The following SYT17 variants were observed in gnomAD, a reference collection of about 807,000 sequenced individuals.
The protein encoded by SYT17 is synaptotagmin-17.
Under a neutral mutation model 46.7 loss-of-function variants are expected in SYT17, and 22 were observed. The ratio of observed to expected loss-of-function variants is 0.47; its 90% CI spans 0.34 to 0.67. The LOEUF (loss-of-function observed/expected upper bound fraction) is 0.67, where lower values mean the gene tolerates loss of function less well. Ranked by LOEUF, SYT17 falls within the 30% of genes least tolerant of loss-of-function variation. The pLI, the probability that SYT17 is intolerant of heterozygous loss-of-function variation, is 0.01. For synonymous variants in SYT17, 251 were observed against 248.4 expected (o/e 1.01, Z -0.10); for missense variants, 519 against 612.8 (o/e 0.85, Z 1.62).
intron 7 of SYT17, among the ~76,000 whole-genome samples, chr16:19,231,523 C>CA (rs143448107): frequency 0.38 from 17,359 of 46,192 alleles, 3,861 homozygotes; most frequent in East Asian, 0.6. Context: ...AACTCCATCA[C>CA]AAAAAAAAAA....
chr16:19,216,933 C>G (rs1038936106), intron 5 of SYT17, among the ~76,000 whole-genome samples: 6 of 152,190 alleles, frequency 3.9e-5, no homozygotes, highest in African/African-American at 1.4e-4. Context: ...ATTTCTGGCT[C>G]TAGATCCTTG....
At chr16:19,214,083 A>G (rs1396384010) in intron 5 of SYT17, among the ~76,000 whole-genome samples, 1 of 152,154 alleles carries the variant, frequency 6.6e-6, no homozygotes, top group Non-Finnish European at 1.5e-5. Flanking sequence ...ACCCTACCCT[A>G]TTCCCCAGTT....
intron 5 of SYT17, among the ~76,000 whole-genome samples, chr16:19,212,657 A>G (rs1965951262): frequency 6.6e-6 from 1 of 152,184 alleles, no homozygotes; most frequent in South Asian, 2.1e-4. Flanking sequence ...CGGGGAAGTG[A>G]GGTAATGGCA....
rs1316964700 is a variant in SYT17 at position 19,183,915 on chromosome 16, A to G, written c.719A>G (p.Lys240Arg). Reference protein sequence around the residue: ...YVKICLLPDQKNSKQTGVKRK... With the variant: ...YVKICLLPDQRNSKQTGVKRK... ...AAGATCTGTCTCCTGCCAGACCAGAAGAACTCAAAGCAGACCGGGGTCAAA... is the reference window on the plus strand; with the variant it reads ...AAGATCTGTCTCCTGCCAGACCAGAGGAACTCAAAGCAGACCGGGGTCAAA... The change falls in exon 5 of 8, where the codon AAG (lysine) becomes AGG (arginine). Residue 240 changes from lysine to arginine, a missense_variant. Physicochemically the swap from Lys to Arg is conservative, Grantham distance 26. Transcript: ENST00000355377. The surrounding 1 kb of genome is among the most constrained non-coding windows in gnomAD (Gnocchi z 5.6). 1.2e-6 allele frequency: 2 copies of G among 1,614,244 alleles called. No individual in the cohort carries two copies. The highest frequency in any genetic ancestry group is 1.7e-6 in the Non-Finnish European group (2 of 1,180,058).
intron 5 of SYT17, chr16:19,211,449 A>G: frequency 1.4e-6 from 1 of 703,846 alleles, no homozygotes; most frequent in Middle Eastern, 2.3e-4. Flanking sequence ...TTATGGAGAA[A>G]AAGGTAAGGA....
intron 3 of SYT17, among the ~76,000 whole-genome samples, chr16:19,174,776 T>TGGAAAAGTAGGAATGC (rs368718597): frequency 1.3e-5 from 2 of 152,146 alleles, no homozygotes; most frequent in Non-Finnish European, 2.9e-5. Flanking sequence ...ATTTGGAATG[T>TGGAAAAGTAGGAATGC]GGAAAAGTAG....
chr16:19,237,043 A>G lies in SYT17; in HGVS notation c.1228+12205A>G, dbSNP rs77196422. On this transcript the variant is annotated intron_variant, in intron 7 of 7. Coordinates refer to ENST00000355377, the MANE Select transcript of SYT17 (RefSeq NM_016524.4). ...CTTAGGCAGAACATTCCAGGGACCT[A>G]GAGATCAGTCCCTAGGAGCCAAAGA... Among the ~76,000 whole-genome samples, 235 of 152,334 alleles carry G rather than the reference A, an allele frequency of 1.5e-3. 3 individuals are homozygous for G. The highest frequency in any genetic ancestry group is 5.5e-3 in the African/African-American group (230 of 41,584).
chr16:19,173,068 A>G (rs1964164739), intron 2 of SYT17: 1 of 572,596 alleles, frequency 1.7e-6, no homozygotes, highest in Admixed American at 3.5e-5. Context: ...TTTCAAGAAG[A>G]CACAGTAATA....
At chr16:19,233,477 C>A (rs923536258) in intron 7 of SYT17, among the ~76,000 whole-genome samples, 1 of 147,918 alleles carries the variant, frequency 6.8e-6, no homozygotes, top group Non-Finnish European at 1.5e-5. Context: ...ATAGCATAAT[C>A]CCATTTCTAA....
chr16:19,172,758 A>G lies in SYT17; in HGVS notation c.16-2A>G. On this transcript the variant is annotated splice_acceptor_variant, in intron 1 of 7. Transcript: ENST00000355377. LOFTEE classifies it high-confidence loss of function. The stretch of plus-strand genomic sequence containing the variant: ...GCTTCATCGTGGATCTTAAAAGGGC[A>G]GTTGGAACCATTAAACGAGGTGGGT... 1 of 1,613,770 alleles carries G rather than the reference A, an allele frequency of 6.2e-7. No individual in the cohort carries two copies. Among genetic ancestry groups the G allele is most frequent in the East Asian group, 2.2e-5 (1 of 44,856 alleles).
At chr16:19,194,695 A>G (rs1396646263) in intron 5 of SYT17, among the ~76,000 whole-genome samples, 1 of 152,200 alleles carries the variant, frequency 6.6e-6, no homozygotes, top group Non-Finnish European at 1.5e-5. Context: ...CCTGGGCTCA[A>G]GTGATCCTCC....
chr16:19,189,514 A>G (rs1162866851), intron 5 of SYT17, among the ~76,000 whole-genome samples: 4 of 152,006 alleles, frequency 2.6e-5, no homozygotes, highest in African/African-American at 9.7e-5. Context: ...ACATGCTCAG[A>G]TAATTTTTTA....
intron 3 of SYT17, among the ~76,000 whole-genome samples, chr16:19,177,089 T>C (rs9674129): frequency 0.52 from 78,944 of 152,112 alleles, 22,999 homozygotes; most frequent in African/African-American, 0.78. Context: ...GGTTCTCATG[T>C]TGAGCTGGAG....
At chr16:19,205,627 A>G (rs923270632) in intron 5 of SYT17, among the ~76,000 whole-genome samples, 12 of 151,796 alleles carry the variant, frequency 7.9e-5, no homozygotes, top group African/African-American at 2.9e-4. Context: ...TTTGGTATAA[A>G]GATACAAAGA....
At chr16:19,248,627 C>T (rs1213020775) in intron 7 of SYT17, among the ~76,000 whole-genome samples, 1 of 152,042 alleles carries the variant, frequency 6.6e-6, no homozygotes, top group African/African-American at 2.4e-5. Flanking sequence ...TTGAGACCAG[C>T]CTGGCCAACA....
intron 5 of SYT17, among the ~76,000 whole-genome samples, chr16:19,208,041 A>G (rs1171534493): frequency 6.6e-6 from 1 of 152,240 alleles, no homozygotes; most frequent in Non-Finnish European, 1.5e-5. Context: ...TTATGAGCTT[A>G]GTATAGCAAA....
chr16:19,171,876 A>T (rs1204867388), intron 1 of SYT17: 5 of 152,078 alleles, frequency 3.3e-5, no homozygotes, highest in African/African-American at 1.2e-4. Context: ...AAGAAAGGGG[A>T]TGGGGGAGGG....
chr16:19,208,451 A>C (rs906231588), intron 5 of SYT17, among the ~76,000 whole-genome samples: 2 of 152,180 alleles, frequency 1.3e-5, no homozygotes, highest in African/African-American at 4.8e-5. Flanking sequence ...CACGGCTTAC[A>C]TGGCAGCAGG....
intron 7 of SYT17, among the ~76,000 whole-genome samples, chr16:19,231,875 G>A (rs1047026603): frequency 3.9e-5 from 6 of 152,312 alleles, no homozygotes; most frequent in Middle Eastern, 6.8e-3. Flanking sequence ...TTAATTAAAT[G>A]CCACACCAAT....
Sources: gnomAD v4.1 joint callset for allele counts (sites outside exome capture counted in the v4.1 genomes callset) on GRCh38, gnomAD v4.1.1 for gene constraint, Gnocchi (gnomAD v3.1) non-coding constraint, MANE v1.5 for transcripts, NCBI Gene and HGNC (gene_info 2026-07-23, HGNC 2026-07-21) for gene names.